The following P3H2 variants were observed in gnomAD, a reference collection of about 807,000 sequenced individuals.
P3H2 encodes leprecan-like 1.
A neutral mutation model predicts 87.0 loss-of-function variants in P3H2; 80 were observed. The ratio of observed to expected loss-of-function variants is 0.92; its 90% CI spans 0.77 to 1.11. P3H2 has a LOEUF of 1.11. Among genes scored for constraint, P3H2 ranks in the 50% least tolerant of loss-of-function variants. The probability of loss-of-function intolerance (pLI) is 0.00; values close to 1 mark genes in which losing one functional copy is unlikely to be tolerated. For missense variants in P3H2, 1,001 were observed against 923.9 expected (o/e 1.08, Z -1.08); for synonymous variants, 367 against 359.3 (o/e 1.02, Z -0.24).
chr3:189,959,371 CATT>C (rs1722741062), intron 14 of P3H2, among the ~76,000 whole-genome samples: 1 of 150,446 alleles, frequency 6.6e-6, no homozygotes, highest in South Asian at 2.1e-4. Flanking sequence ...CGTCATCTAG[CATT>C]AGGTATATCT....
At chr3:190,093,601 C>G (rs1727482788) in intron 1 of P3H2, among the ~76,000 whole-genome samples, 1 of 152,188 alleles carries the variant, frequency 6.6e-6, no homozygotes, top group South Asian at 2.1e-4. Flanking sequence ...CACAAGTCAT[C>G]TTCAGAAACT....
intron 1 of P3H2, among the ~76,000 whole-genome samples, chr3:190,055,014 T>C (rs1286436688): frequency 6.6e-6 from 1 of 152,174 alleles, no homozygotes; most frequent in East Asian, 1.9e-4. Context: ...CCCAATTCCT[T>C]TTCCTTCCTT....
intron 1 of P3H2, among the ~76,000 whole-genome samples, chr3:190,075,233 C>G (rs112479769): frequency 0.011 from 1,650 of 152,288 alleles, 35 homozygotes; most frequent in African/African-American, 0.037. Context: ...TGCCAGGAAT[C>G]CCAGCACTTT....
At chr3:190,014,610 T>C (rs1724694227) in intron 1 of P3H2, among the ~76,000 whole-genome samples, 1 of 152,074 alleles carries the variant, frequency 6.6e-6, no homozygotes, top group Non-Finnish European at 1.5e-5. Context: ...TCATTCACAT[T>C]GTGGTTGTAT....
At chr3:190,014,731 T>C (rs1724697206) in intron 1 of P3H2, among the ~76,000 whole-genome samples, 1 of 152,108 alleles carries the variant, frequency 6.6e-6, no homozygotes, top group Non-Finnish European at 1.5e-5. Context: ...CTTCTCTAAT[T>C]CCCTGGCCTT....
At chr3:190,007,360 T>G (rs552697231) in intron 1 of P3H2, among the ~76,000 whole-genome samples, 1 of 152,292 alleles carries the variant, frequency 6.6e-6, no homozygotes, top group East Asian at 1.9e-4. Context: ...GTAATAGCAA[T>G]GGAAATAGTA....
chr3:190,018,424 T>C (rs141153980), intron 1 of P3H2, among the ~76,000 whole-genome samples: 5 of 152,108 alleles, frequency 3.3e-5, no homozygotes, highest in East Asian at 1.9e-4. Flanking sequence ...CTTAGATAAG[T>C]AGGCCAGGTG....
At chr3:189,968,487 T>C (rs747363110) in intron 13 of P3H2, among the ~76,000 whole-genome samples, 1 of 152,236 alleles carries the variant, frequency 6.6e-6, no homozygotes, top group Non-Finnish European at 1.5e-5. Context: ...CTTTATCCAG[T>C]CTATCATTGA....
intron 1 of P3H2, among the ~76,000 whole-genome samples, chr3:190,074,081 C>G (rs1031699221): frequency 6.6e-6 from 1 of 152,112 alleles, no homozygotes; most frequent in East Asian, 1.9e-4. Flanking sequence ...TACCTTTGAG[C>G]CTTCATGTAC....
chr3:190,086,403 G>A (rs1250822642), intron 1 of P3H2, among the ~76,000 whole-genome samples: 1 of 152,132 alleles, frequency 6.6e-6, no homozygotes, highest in African/African-American at 2.4e-5. Flanking sequence ...TTTCCCGGGG[G>A]TAGTTGCTGA....
intron 1 of P3H2, among the ~76,000 whole-genome samples, chr3:190,099,346 A>G (rs1374209791): frequency 6.6e-6 from 1 of 152,242 alleles, no homozygotes; most frequent in African/African-American, 2.4e-5. Flanking sequence ...CCACATGTTT[A>G]GATACAACAG....
chr3:190,041,035 TATACACAC>T lies in P3H2; in HGVS notation c.481-45601_481-45594del, dbSNP rs1236839044. Among the ~76,000 whole-genome samples the T allele has an allele frequency of 2.7e-3, 107 of 39,790 alleles. 2 individuals are homozygous for T. Among genetic ancestry groups the T allele is most frequent in the African/African-American group, 0.014 (102 of 7,354 alleles). The allele number at this position is 39,790 out of a possible 152,430, so 26.1% of individuals were successfully genotyped here. On this transcript the variant is annotated intron_variant, in intron 1 of 14. Transcript: ENST00000319332. ...CATGGCTCTACTATATATATATATA[TATACACAC>T]ACACACACACACACACACACACACA...
Position 190,120,818 on chromosome 3 carries a change from G to A in P3H2, c.-87C>T. 1 of 1,464,048 alleles carries A rather than the reference G, an allele frequency of 6.8e-7. No homozygotes were observed. The highest frequency in any genetic ancestry group is 9.0e-7 in the Non-Finnish European group (1 of 1,110,906). The allele number at this position is 1,464,048 out of a possible 1,614,324, so 90.7% of individuals were successfully genotyped here. A position where few individuals can be genotyped will look rare whatever the true frequency, so the allele number is the denominator to read the frequency against. On this transcript the variant is annotated 5_prime_UTR_variant, in exon 1 of 15. Coordinates refer to ENST00000319332, the MANE Select transcript of P3H2 (RefSeq NM_018192.4). ...CGGGTCCCCTCTCCCACCTTCCCTC[G>A]GGGAAGCGCGCCGACTCCGCCGCGA... is the stretch of plus-strand genomic sequence containing the variant.
chr3:190,081,386 AAAGT>A (rs1287644758), intron 1 of P3H2, among the ~76,000 whole-genome samples: 1 of 152,230 alleles, frequency 6.6e-6, no homozygotes, highest in Non-Finnish European at 1.5e-5. Flanking sequence ...CATCAACCCT[AAAGT>A]AAGTGGATTA....
At chr3:189,978,518 T>C (rs1301765999) in intron 8 of P3H2, among the ~76,000 whole-genome samples, 6 of 152,210 alleles carry the variant, frequency 3.9e-5, no homozygotes, top group Non-Finnish European at 2.9e-5. Context: ...GAAGGAAGAA[T>C]GTAACATGGA....
intron 5 of P3H2, 31 bp downstream of exon 5, chr3:189,987,496 A>AG (rs1318468557): frequency 6.2e-7 from 1 of 1,602,972 alleles, no homozygotes; most frequent in East Asian, 2.3e-5. Context: ...AAAAAAAAAA[A>AG]AAGAATTTCT....
intron 1 of P3H2, among the ~76,000 whole-genome samples, chr3:190,088,440 GT>G (rs1185769138): frequency 6.6e-6 from 1 of 151,884 alleles, no homozygotes; most frequent in Non-Finnish European, 1.5e-5. Context: ...GTAAGCCTGT[GT>G]TCCCTTTCAC....
At chr3:190,047,515 A>G (rs1167421823) in intron 1 of P3H2, among the ~76,000 whole-genome samples, 1 of 152,242 alleles carries the variant, frequency 6.6e-6, no homozygotes, top group Non-Finnish European at 1.5e-5. Flanking sequence ...AAGTACAGAT[A>G]TCTAAACATA....
At chr3:190,049,682 C>T (rs1015665595) in intron 1 of P3H2, among the ~76,000 whole-genome samples, 1 of 152,146 alleles carries the variant, frequency 6.6e-6, no homozygotes, top group African/African-American at 2.4e-5. Flanking sequence ...AACCCACCCT[C>T]GGCTACATAG....
Sources: gnomAD v4.1 joint callset for allele counts (sites outside exome capture counted in the v4.1 genomes callset) on GRCh38, gnomAD v4.1.1 for gene constraint, MANE v1.5 for transcripts, NCBI Gene and HGNC (gene_info 2026-07-23, HGNC 2026-07-21) for gene names.